SGCZ: variants seen among roughly 807,000 people sequenced by gnomAD.
SGCZ encodes the protein zeta-sarcoglycan.
SGCZ carries 40 observed loss-of-function variants against 41.3 expected under a neutral mutation model. The ratio of observed to expected loss-of-function variants is 0.97; its 90% CI spans 0.75 to 1.26. The LOEUF (loss-of-function observed/expected upper bound fraction) is 1.26, where lower values mean the gene tolerates loss of function less well. SGCZ is among the 50% of genes most tolerant of loss of function. The pLI is 0.00. For missense variants in SGCZ, 552 were observed against 369.8 expected, an observed-to-expected ratio of 1.49 and a Z score of -4.04; for synonymous variants, 206 against 137.5, an observed-to-expected ratio of 1.50 and a Z score of -3.49.
intron 2 of SGCZ, among the ~76,000 whole-genome samples, chr8:14,495,099 G>A (rs77378117): frequency 4.6e-5 from 7 of 152,044 alleles, no homozygotes; most frequent in African/African-American, 7.2e-5. Flanking sequence ...GGATTGTTTC[G>A]TACCTCTCAA....
intron 1 of SGCZ, among the ~76,000 whole-genome samples, chr8:15,228,373 CTG>C (rs1801841558): frequency 1.3e-5 from 2 of 152,180 alleles, no homozygotes; most frequent in African/African-American, 2.4e-5. Context: ...AGACACGACA[CTG>C]TGCACAGACC....
intron 2 of SGCZ, among the ~76,000 whole-genome samples, chr8:14,342,609 C>T (rs946445838): frequency 2.0e-5 from 3 of 152,126 alleles, no homozygotes; most frequent in Non-Finnish European, 4.4e-5. Flanking sequence ...GCCACCGCGC[C>T]CAGCCTGGTG....
intron 5 of SGCZ, among the ~76,000 whole-genome samples, chr8:14,154,566 T>C (rs986413787): frequency 6.6e-6 from 1 of 152,214 alleles, no homozygotes; most frequent in African/African-American, 2.4e-5. Flanking sequence ...TTTGAAACAA[T>C]TTTAAACCTA....
At chr8:14,642,762 AAAT>A (rs1009451323) in intron 1 of SGCZ, among the ~76,000 whole-genome samples, 2 of 151,550 alleles carry the variant, frequency 1.3e-5, no homozygotes, top group African/African-American at 4.8e-5. Context: ...ATAAAGAAAT[AAAT>A]AATATATATA....
intron 3 of SGCZ, among the ~76,000 whole-genome samples, chr8:14,258,267 T>C (rs1237754676): frequency 6.6e-6 from 1 of 152,170 alleles, no homozygotes; most frequent in African/African-American, 2.4e-5. Context: ...TGTGAGTTTC[T>C]CAGGACATTA....
intron 3 of SGCZ, among the ~76,000 whole-genome samples, chr8:14,290,091 G>T (rs1051543368): frequency 6.6e-6 from 1 of 152,052 alleles, no homozygotes; most frequent in Non-Finnish European, 1.5e-5. Context: ...CTTGACATAT[G>T]GGGATTACAA....
intron 1 of SGCZ, among the ~76,000 whole-genome samples, chr8:14,792,265 G>T (rs1349574213): frequency 1.3e-5 from 2 of 152,148 alleles, no homozygotes; most frequent in Admixed American, 1.3e-4. Context: ...TTTTCTTAAT[G>T]ATTAAGATGA....
chr8:15,098,351 T>A (rs1585560609), intron 1 of SGCZ, among the ~76,000 whole-genome samples: 1 of 152,268 alleles, frequency 6.6e-6, no homozygotes, highest in South Asian at 2.1e-4. Flanking sequence ...GCAATTAGAA[T>A]CAGAATCCCA....
intron 3 of SGCZ, among the ~76,000 whole-genome samples, chr8:14,251,445 C>T (rs1227662020): frequency 6.6e-6 from 1 of 152,114 alleles, no homozygotes; most frequent in South Asian, 2.1e-4. Flanking sequence ...TTAAACTCTG[C>T]TGTTGTAGGT....
intron 1 of SGCZ, among the ~76,000 whole-genome samples, chr8:14,898,991 C>A (rs956416262): frequency 1.4e-4 from 21 of 152,198 alleles, no homozygotes; most frequent in African/African-American, 4.3e-4. Context: ...TTAAAAGTTT[C>A]CAAGATGATT....
intron 4 of SGCZ, among the ~76,000 whole-genome samples, chr8:14,187,689 A>T (rs1804950522): frequency 6.6e-6 from 1 of 152,146 alleles, no homozygotes; most frequent in African/African-American, 2.4e-5. Flanking sequence ...AATGAAAAAA[A>T]TGACAACTGC....
At chr8:15,074,632 T>C (rs959235128) in intron 1 of SGCZ, among the ~76,000 whole-genome samples, 2 of 152,072 alleles carry the variant, frequency 1.3e-5, no homozygotes, top group Admixed American at 6.6e-5. Flanking sequence ...TCTCCCACCA[T>C]GAAAATTTAC....
At chr8:14,336,882 T>C (rs1802523330) in intron 2 of SGCZ, among the ~76,000 whole-genome samples, 1 of 152,178 alleles carries the variant, frequency 6.6e-6, no homozygotes, top group Admixed American at 6.5e-5. Flanking sequence ...TATCTCATCC[T>C]GGACTCTTCA....
intron 2 of SGCZ, among the ~76,000 whole-genome samples, chr8:14,398,993 T>C (rs1798996705): frequency 6.6e-6 from 1 of 152,164 alleles, no homozygotes; most frequent in Admixed American, 6.6e-5. Flanking sequence ...ATAACCTTAC[T>C]TGAAATTATT....
At chr8:14,581,295 C>T (rs1467208649) in intron 1 of SGCZ, among the ~76,000 whole-genome samples, 2 of 152,084 alleles carry the variant, frequency 1.3e-5, no homozygotes, top group East Asian at 1.9e-4. Flanking sequence ...TTTATAGATA[C>T]GGGGTTTCCC....
intron 3 of SGCZ, among the ~76,000 whole-genome samples, chr8:14,245,468 G>A (rs1207124119): frequency 2.0e-5 from 3 of 152,142 alleles, no homozygotes; most frequent in Non-Finnish European, 4.4e-5. Context: ...AGACTTAAAC[G>A]TTAGATCTAA....
chr8:14,436,254 G>C (rs1800088097), intron 2 of SGCZ, among the ~76,000 whole-genome samples: 1 of 152,174 alleles, frequency 6.6e-6, no homozygotes, highest in African/African-American at 2.4e-5. Context: ...TGAGCCTCTT[G>C]AATCACAGAG....
At chr8:14,435,781 T>A (rs1800073102) in intron 2 of SGCZ, among the ~76,000 whole-genome samples, 1 of 152,246 alleles carries the variant, frequency 6.6e-6, no homozygotes, top group Admixed American at 6.5e-5. Context: ...GTGAACTTGT[T>A]AACTCATTGA....
Position 15,213,407 on chromosome 8 carries a change from G to A in SGCZ, c.39+24178C>T, listed in dbSNP as rs183228146. On this transcript the variant is annotated intron_variant, in intron 1 of 7. Transcript: ENST00000382080. Reference sequence around the variant, plus strand: ...AAACTTACTGCAGAAAAAATTCAATGTTTCTATATGTGAAACATTAAAAAG... The same window carrying A: ...AAACTTACTGCAGAAAAAATTCAATATTTCTATATGTGAAACATTAAAAAG... Among the ~76,000 whole-genome samples, 188 of 151,354 alleles carry A rather than the reference G, an allele frequency of 1.2e-3. No individual in the cohort carries two copies. The Middle Eastern group carries it at 0.016, about 13-fold the overall frequency.
Sources: gnomAD v4.1 joint callset for allele counts (sites outside exome capture counted in the v4.1 genomes callset) on GRCh38, gnomAD v4.1.1 for gene constraint, MANE v1.5 for transcripts, NCBI Gene and HGNC (gene_info 2026-07-23, HGNC 2026-07-21) for gene names.